Variants in HS3ST4 observed in about 807,000 individuals in gnomAD.
The protein encoded by HS3ST4 is heparan sulfate-glucosamine 3-sulfotransferase 4, also known as heparan sulfate glucosamine 3-O-sulfotransferase 4.
A neutral mutation model predicts 29.2 loss-of-function variants in HS3ST4; 17 were observed. The observed-to-expected ratio is 0.58, with a 90% confidence interval of 0.40 to 0.87. HS3ST4 has a LOEUF of 0.87. Ranked by LOEUF, HS3ST4 falls within the 40% of genes least tolerant of loss-of-function variation. The pLI is 0.00. For synonymous variants in HS3ST4, 314 were observed against 285.7 expected, an observed-to-expected ratio of 1.10 and a Z score of -1.00; for missense variants, 627 against 634.5, an observed-to-expected ratio of 0.99 and a Z score of 0.13.
intron 1 of HS3ST4, among the ~76,000 whole-genome samples, chr16:25,694,575 G>A (rs1966279751): frequency 6.6e-6 from 1 of 152,130 alleles, no homozygotes; most frequent in Non-Finnish European, 1.5e-5. Context: ...TGGAAAATCA[G>A]TATTTATAAC....
At chr16:25,895,812 G>T (rs1462946398) in intron 1 of HS3ST4, among the ~76,000 whole-genome samples, 1 of 152,008 alleles carries the variant, frequency 6.6e-6, no homozygotes, top group African/African-American at 2.4e-5. Flanking sequence ...ATTCCTGAGG[G>T]CCCCCATGAC....
intron 1 of HS3ST4, among the ~76,000 whole-genome samples, chr16:25,695,046 T>C (rs1966284373): frequency 6.6e-6 from 1 of 152,204 alleles, no homozygotes; most frequent in African/African-American, 2.4e-5. Flanking sequence ...ATGCTGATGT[T>C]AGGAAGAGAA....
rs540551833 is a variant in HS3ST4, at chr16:26,027,972, G to A, written c.735-107640G>A. Reference sequence around the variant, plus strand: ...AAGAGTCTTTTTAATTCAGAATAAAGATTAAAAAGAATAAGAGAGGGCTGG... The same window carrying A: ...AAGAGTCTTTTTAATTCAGAATAAAAATTAAAAAGAATAAGAGAGGGCTGG... On this transcript the variant is annotated intron_variant, in intron 1 of 1. Transcript: ENST00000331351. Among the ~76,000 whole-genome samples, 19 of 152,222 alleles carry A rather than the reference G, an allele frequency of 1.2e-4. No homozygotes were observed. In the South Asian group the frequency reaches 3.9e-3, roughly 32 times the overall value.
At chr16:25,999,454 G>A (rs1301908830) in intron 1 of HS3ST4, among the ~76,000 whole-genome samples, 4 of 151,666 alleles carry the variant, frequency 2.6e-5, no homozygotes, top group African/African-American at 9.7e-5. Context: ...ATGCGCAGAT[G>A]TTTTTTCAGA....
intron 1 of HS3ST4, among the ~76,000 whole-genome samples, chr16:25,750,417 T>C (rs183233579): frequency 1.3e-5 from 2 of 152,318 alleles, no homozygotes. Flanking sequence ...CAAGAAGACA[T>C]AGACTCATTT....
intron 1 of HS3ST4, among the ~76,000 whole-genome samples, chr16:25,716,974 A>G (rs1023842904): frequency 2.0e-5 from 3 of 152,056 alleles, no homozygotes; most frequent in Non-Finnish European, 2.9e-5. Context: ...GAATCACTTG[A>G]ACCTGGGAGG....
chr16:26,025,697 C>T (rs1252809881), intron 1 of HS3ST4, among the ~76,000 whole-genome samples: 1 of 152,164 alleles, frequency 6.6e-6, no homozygotes, highest in African/African-American at 2.4e-5. Context: ...ATCATGGGAT[C>T]GTAGGCAATA....
chr16:25,937,260 C>T (rs536110300), intron 1 of HS3ST4, among the ~76,000 whole-genome samples: 2 of 152,132 alleles, frequency 1.3e-5, no homozygotes, highest in Non-Finnish European at 2.9e-5. Context: ...GCACCAATAT[C>T]AAGGAAATAC....
chr16:26,040,095 A>G (rs977683748), intron 1 of HS3ST4, among the ~76,000 whole-genome samples: 1 of 152,184 alleles, frequency 6.6e-6, no homozygotes, highest in Non-Finnish European at 1.5e-5. Flanking sequence ...TGAACGCACA[A>G]TATTTCCAGT....
intron 1 of HS3ST4, among the ~76,000 whole-genome samples, chr16:25,984,540 T>A (rs1424615966): frequency 6.6e-6 from 1 of 152,184 alleles, no homozygotes; most frequent in Non-Finnish European, 1.5e-5. Context: ...CACCCCTGCT[T>A]TAAGAAATCT....
At chr16:25,883,791 T>C (rs530960032) in intron 1 of HS3ST4, among the ~76,000 whole-genome samples, 2 of 152,256 alleles carry the variant, frequency 1.3e-5, no homozygotes, top group East Asian at 3.9e-4. Context: ...TCAACAAGAT[T>C]AGTCTTATTA....
At chr16:25,933,589 A>G (rs1415199146) in intron 1 of HS3ST4, among the ~76,000 whole-genome samples, 1 of 152,190 alleles carries the variant, frequency 6.6e-6, no homozygotes, top group Non-Finnish European at 1.5e-5. Context: ...AGGGCAAATC[A>G]CAGCTGGTGT....
intron 1 of HS3ST4, among the ~76,000 whole-genome samples, chr16:25,772,850 G>T (rs912845654): frequency 6.6e-6 from 1 of 152,166 alleles, no homozygotes; most frequent in Non-Finnish European, 1.5e-5. Context: ...GGAATCAAAG[G>T]TGGCTATGAC....
At chr16:25,716,312 A>G (rs1966453811) in intron 1 of HS3ST4, among the ~76,000 whole-genome samples, 1 of 152,196 alleles carries the variant, frequency 6.6e-6, no homozygotes, top group African/African-American at 2.4e-5. Flanking sequence ...ATCTGGAATA[A>G]AGACTACATT....
intron 1 of HS3ST4, among the ~76,000 whole-genome samples, chr16:25,752,714 A>T (rs1010609216): frequency 1.3e-5 from 2 of 152,228 alleles, no homozygotes; most frequent in African/African-American, 4.8e-5. Context: ...CCAAAAATAC[A>T]CTTAAATGTT....
At chr16:25,853,665 A>T (rs1374399987) in intron 1 of HS3ST4, among the ~76,000 whole-genome samples, 1 of 152,146 alleles carries the variant, frequency 6.6e-6, no homozygotes, top group African/African-American at 2.4e-5. Flanking sequence ...TGTTAATATG[A>T]TGTATCACAT....
At chr16:25,981,482 GAAAGACACGCTTAATACA>G (rs996307375) in intron 1 of HS3ST4, among the ~76,000 whole-genome samples, 7 of 152,236 alleles carry the variant, frequency 4.6e-5, no homozygotes, top group African/African-American at 1.7e-4. Context: ...CATCAAAATA[GAAAGACACGCTTAATACA>G]CCTGCCCTCA....
intron 1 of HS3ST4, among the ~76,000 whole-genome samples, chr16:25,989,102 C>T (rs547032757): frequency 1.5e-3 from 224 of 152,192 alleles, no homozygotes; most frequent in African/African-American, 5.0e-3. Context: ...CAGAAACAGC[C>T]GGAATGGTTA....
At chr16:25,833,868 C>T (rs570047475) in intron 1 of HS3ST4, among the ~76,000 whole-genome samples, 2 of 152,162 alleles carry the variant, frequency 1.3e-5, no homozygotes, top group Non-Finnish European at 2.9e-5. Flanking sequence ...AGACCTGAAT[C>T]GTTTCCATCC....
Sources: gnomAD v4.1 joint callset for allele counts (sites outside exome capture counted in the v4.1 genomes callset) on GRCh38, gnomAD v4.1.1 for gene constraint, MANE v1.5 for transcripts, NCBI Gene and HGNC (gene_info 2026-07-23, HGNC 2026-07-21) for gene names.